TMEM39A: variants seen among roughly 807,000 people sequenced by gnomAD.
TMEM39A encodes the protein transmembrane protein 39A.
A neutral mutation model predicts 51.9 loss-of-function variants in TMEM39A; 19 were observed. That is an observed-to-expected ratio of 0.37 (90% CI 0.26 to 0.54). The LOEUF (loss-of-function observed/expected upper bound fraction) is 0.54. Ranked by LOEUF, TMEM39A falls within the 20% of genes least tolerant of loss-of-function variation. The probability of loss-of-function intolerance (pLI) is 0.88; values close to 1 mark genes in which losing one functional copy is unlikely to be tolerated. For synonymous variants in TMEM39A, 197 were observed against 220.2 expected, an observed-to-expected ratio of 0.89 and a Z score of 0.93; for missense variants, 433 against 590.5, an observed-to-expected ratio of 0.73 and a Z score of 2.76.
Position 119,462,129 on chromosome 3 carries a change from G to T in TMEM39A, c.-55C>A. On this transcript the variant is annotated 5_prime_UTR_variant, in exon 2 of 9. Coordinates refer to ENST00000319172, the MANE Select transcript of TMEM39A (RefSeq NM_018266.3). Reference sequence around the variant, plus strand: ...CCTGTAGTTGCAACCCAGGTTAATGGTTGTCAACCAGTTTCAACTCTGAAC... The same window carrying T: ...CCTGTAGTTGCAACCCAGGTTAATGTTTGTCAACCAGTTTCAACTCTGAAC... 7.2e-7 allele frequency: 1 copy of T among 1,395,962 alleles called. No homozygotes were observed. Among genetic ancestry groups the T allele is most frequent in the Non-Finnish European group, 1.0e-6 (1 of 991,354 alleles). The allele number at this position is 1,395,962 out of a possible 1,614,324, so 86.5% of individuals were successfully genotyped here.
intron 2 of TMEM39A, among the ~76,000 whole-genome samples, chr3:119,458,564 AG>A (rs1000246337): frequency 6.6e-6 from 1 of 152,140 alleles, no homozygotes. Context: ...TGGCCCACTC[AG>A]TTAGCTGCCC....
At position 119,434,421 on chromosome 3, in the gene TMEM39A, C is replaced by T. The variant is rs563688343; in HGVS notation, c.1233+341G>A. Among the ~76,000 whole-genome samples the T allele has an allele frequency of 2.4e-4, 37 of 152,188 alleles. 1 individual carries two copies. Among genetic ancestry groups the T allele is most frequent in the African/African-American group, 8.9e-4 (37 of 41,522 alleles). On this transcript the variant is annotated intron_variant, in intron 8 of 8. Transcript: ENST00000319172. Reference sequence around the variant, plus strand: ...GATACACAGATACAATATATCTTAACAATACCACTAAACCAAACTCTTACA... The same window carrying T: ...GATACACAGATACAATATATCTTAATAATACCACTAAACCAAACTCTTACA...
intron 7 of TMEM39A, chr3:119,435,523 C>T: frequency 1.0e-6 from 1 of 983,882 alleles, no homozygotes; most frequent in Non-Finnish European, 1.2e-6. Context: ...CAGCTTCATT[C>T]TTTCCAGCAT....
intron 4 of TMEM39A, among the ~76,000 whole-genome samples, chr3:119,448,898 G>A (rs762732000): frequency 1.1e-4 from 16 of 152,180 alleles, no homozygotes; most frequent in Non-Finnish European, 2.2e-4. Flanking sequence ...CCCTTTACCA[G>A]GTCCTAGGGG....
intron 5 of TMEM39A, among the ~76,000 whole-genome samples, chr3:119,444,412 T>C (rs1577055520): frequency 6.6e-6 from 1 of 152,222 alleles, no homozygotes; most frequent in Non-Finnish European, 1.5e-5. Context: ...TGAAAAATGT[T>C]CGTAACAGAT....
intron 4 of TMEM39A, chr3:119,451,213 G>T (rs930399544): frequency 7.9e-7 from 1 of 1,271,250 alleles, no homozygotes; most frequent in Admixed American, 2.5e-5. Flanking sequence ...TACTACCTGT[G>T]CTTTTTGGTT....
At position 119,432,139 on chromosome 3, in the gene TMEM39A, A is replaced by G; in HGVS notation, c.1309T>C (p.Tyr437His). ...IEGSVVFYQL[Y>H]SLLRSEKWNH... Reference sequence around the variant, plus strand: ...CACTTCTCCGACCGCAGCAAGGAATAGAGCTGATAGAAGACGACACTGCCC... The same window carrying G: ...CACTTCTCCGACCGCAGCAAGGAATGGAGCTGATAGAAGACGACACTGCCC... Residue 437 changes from tyrosine (Y) to histidine (H), a missense_variant, in exon 9 of 9, where the codon TAT becomes CAT. This residue lies in a region of TMEM39A where 223 missense variants were observed against 328.1 expected (regional missense o/e 0.68). Transcript: ENST00000319172. 1 of 1,613,348 alleles carries G rather than the reference A, an allele frequency of 6.2e-7. No individual in the cohort carries two copies. The highest frequency in any genetic ancestry group is 8.5e-7 in the Non-Finnish European group (1 of 1,179,512).
chr3:119,438,622 A>G (rs1346515947), intron 5 of TMEM39A, among the ~76,000 whole-genome samples: 1 of 152,232 alleles, frequency 6.6e-6, no homozygotes, highest in African/African-American at 2.4e-5. Context: ...TAGAAATACC[A>G]TAATTTACCC....
chr3:119,440,294 G>A (rs1363890551), intron 5 of TMEM39A, among the ~76,000 whole-genome samples: 1 of 152,132 alleles, frequency 6.6e-6, no homozygotes, highest in African/African-American at 2.4e-5. Flanking sequence ...TGGGTGAGGC[G>A]ACCTGCCCTA....
At chr3:119,457,881 G>A (rs955772029) in intron 3 of TMEM39A, 137 bp downstream of exon 3, 1 of 573,834 alleles carries the variant, frequency 1.7e-6, no homozygotes, top group Non-Finnish European at 3.0e-6. Context: ...TTTTATTTCT[G>A]AAAGTAATCT....
intron 7 of TMEM39A, 149 bp from the exon 8 acceptor site, chr3:119,435,031 C>T (rs2080949936): frequency 3.6e-6 from 5 of 1,396,576 alleles, no homozygotes; most frequent in Non-Finnish European, 4.7e-6. Context: ...CATGGTCAAA[C>T]TGGAGTAGTT....
intron 5 of TMEM39A, among the ~76,000 whole-genome samples, chr3:119,446,315 G>A (rs62263406): frequency 0.16 from 24,121 of 152,064 alleles, 2,499 homozygotes; most frequent in East Asian, 0.27. Context: ...TAAAGGTCAC[G>A]TGAACACAAG....
chr3:119,453,246 C>T (rs565751398), intron 3 of TMEM39A, among the ~76,000 whole-genome samples: 10 of 152,256 alleles, frequency 6.6e-5, no homozygotes, highest in African/African-American at 2.4e-4. Context: ...CAGAATGAAA[C>T]ATTAAATTTC....
intron 3 of TMEM39A, among the ~76,000 whole-genome samples, chr3:119,456,498 CCTTT>C (rs2081266526): frequency 6.6e-6 from 1 of 152,182 alleles, no homozygotes; most frequent in Non-Finnish European, 1.5e-5. Flanking sequence ...GCCCACATTT[CCTTT>C]CTATGTTCAC....
rs897690496 is a variant in TMEM39A, at chr3:119,428,954, T to G, written c.*3027A>C. ...GTTCCAAGACATCTGTCTGCTTATT[T>G]GAAGTACTTATGAAAAGAGCACTTT... is the stretch of plus-strand genomic sequence containing the variant. On this transcript the variant is annotated 3_prime_UTR_variant, in exon 9 of 9. Coordinates refer to ENST00000319172, the MANE Select transcript of TMEM39A (RefSeq NM_018266.3). Among the ~76,000 whole-genome samples the G allele has an allele frequency of 1.3e-5, 2 of 152,144 alleles. No homozygotes were observed. Among genetic ancestry groups the G allele is most frequent in the Admixed American group, 1.3e-4 (2 of 15,262 alleles).
intron 7 of TMEM39A, chr3:119,435,103 A>G: frequency 1.0e-6 from 1 of 984,934 alleles, no homozygotes; most frequent in Non-Finnish European, 1.2e-6. Flanking sequence ...GCAAAGAAAT[A>G]TAGTTAACTC....
At chr3:119,458,956 A>G (rs1251462934) in intron 2 of TMEM39A, among the ~76,000 whole-genome samples, 1 of 152,194 alleles carries the variant, frequency 6.6e-6, no homozygotes, top group Non-Finnish European at 1.5e-5. Context: ...GAACCCATAT[A>G]AATTCTCTAG....
intron 1 of TMEM39A, among the ~76,000 whole-genome samples, chr3:119,462,650 G>T (rs2081354787): frequency 1.1e-5 from 1 of 92,024 alleles, no homozygotes; most frequent in Non-Finnish European, 2.2e-5. Flanking sequence ...GGGGCGGGGG[G>T]GGGGAGTGTC....
chr3:119,445,047 T>A (rs1053149783), intron 5 of TMEM39A, among the ~76,000 whole-genome samples: 58 of 151,122 alleles, frequency 3.8e-4, no homozygotes, highest in African/African-American at 1.4e-3. Context: ...TCTACTGCAC[T>A]CCCGCCTGGA....
Sources: allele counts gnomAD v4.1 joint callset (sites outside exome capture counted in the v4.1 genomes callset), GRCh38; gene constraint gnomAD v4.1.1; regional missense constraint gnomAD v4.1.1; transcripts MANE v1.5; gene names NCBI Gene and HGNC (gene_info 2026-07-23, HGNC 2026-07-21).